DPP6: variants seen among roughly 807,000 people sequenced by gnomAD.
DPP6 encodes the protein A-type potassium channel modulatory protein DPP6.
A neutral mutation model predicts 122.6 loss-of-function variants in DPP6; 69 were observed. The observed-to-expected ratio is 0.56, with a 90% CI of 0.46 to 0.69. The LOEUF (loss-of-function observed/expected upper bound fraction) is 0.69, where lower values mean the gene tolerates loss of function less well. DPP6 is among the 30% of genes least tolerant of loss of function. The probability of loss-of-function intolerance (pLI) is 0.00; values close to 1 mark genes in which losing one functional copy is unlikely to be tolerated. For synonymous variants in DPP6, 418 were observed against 433.1 expected, an observed-to-expected ratio of 0.97 and a Z score of 0.43; for missense variants, 928 against 1,116.9, an observed-to-expected ratio of 0.83 and a Z score of 2.41.
In DPP6 at chr7:154,809,574, T is replaced by TAAC. The variant is rs771798736; in HGVS notation, c.1666+2462_1666+2463insAAC. On this transcript the variant is annotated intron_variant, in intron 16 of 25. Coordinates refer to ENST00000377770, the MANE Select transcript of DPP6 (RefSeq NM_130797.4). ...CCAGATAAGAAAGCATGGTGTGTGC[T>TAAC]CCACAAGCATCCGGGTTAATAAATG... Among the ~76,000 whole-genome samples, 199 of 152,206 alleles carry TAAC rather than the reference T, an allele frequency of 1.3e-3. 1 individual carries two copies. The highest frequency in any genetic ancestry group is 2.5e-3 in the Non-Finnish European group (172 of 68,000).
At chr7:154,429,180 T>TA (rs34365501) in intron 1 of DPP6, among the ~76,000 whole-genome samples, 8,328 of 145,754 alleles carry the variant, frequency 0.057, 401 homozygotes, top group African/African-American at 0.13. Context: ...CTTAATCTGT[T>TA]AAAAAAAAAA....
intron 1 of DPP6, among the ~76,000 whole-genome samples, chr7:154,085,375 AC>A (rs1415288182): frequency 6.6e-6 from 1 of 152,138 alleles, no homozygotes; most frequent in African/African-American, 2.4e-5. Flanking sequence ...ATTGGCCTTT[AC>A]CGTTCACTGT....
intron 1 of DPP6, among the ~76,000 whole-genome samples, chr7:154,334,417 T>C (rs2151045168): frequency 6.6e-6 from 1 of 152,306 alleles, no homozygotes; most frequent in South Asian, 2.1e-4. Context: ...AACAAACACC[T>C]CTTTCCTGAC....
intron 1 of DPP6, among the ~76,000 whole-genome samples, chr7:154,324,869 T>TTTA (rs1808299102): frequency 7.1e-6 from 1 of 140,694 alleles, no homozygotes; most frequent in East Asian, 2.4e-4. Flanking sequence ...CTTTTGTTAT[T>TTTA]TTTTTTTTTT....
At chr7:154,656,090 G>A (rs940036176) in intron 6 of DPP6, among the ~76,000 whole-genome samples, 1 of 151,366 alleles carries the variant, frequency 6.6e-6, no homozygotes, top group Non-Finnish European at 1.5e-5. Flanking sequence ...GGAGAGGAGC[G>A]GGGCTGCGGT....
At chr7:153,762,401 C>A in the DPP6 span, among the ~76,000 whole-genome samples, 1 of 152,154 alleles carries the variant, frequency 6.6e-6, no homozygotes, top group Non-Finnish European at 1.5e-5. Context: ...TTAACCTATT[C>A]ATCAACTGCC....
intron 16 of DPP6, among the ~76,000 whole-genome samples, chr7:154,840,935 G>T (rs1801478134): frequency 6.6e-6 from 1 of 152,162 alleles, no homozygotes; most frequent in Non-Finnish European, 1.5e-5. Flanking sequence ...GTCAATTGGC[G>T]ACTTGCTGTT....
chr7:153,908,028 A>ATTT (rs1799921639), intron 1 of DPP6, among the ~76,000 whole-genome samples: 1 of 119,518 alleles, frequency 8.4e-6, no homozygotes, highest in Non-Finnish European at 1.8e-5. Context: ...AGAGGCTGGA[A>ATTT]GTTTTTTTTT....
intron 7 of DPP6, among the ~76,000 whole-genome samples, chr7:154,711,509 T>G (rs181694164): frequency 6.6e-6 from 1 of 152,250 alleles, no homozygotes; most frequent in Non-Finnish European, 1.5e-5. Context: ...AAGTGAAAAA[T>G]GAAAGAAATC....
rs144100618 is a variant in DPP6, at chr7:154,769,548, G to A, written c.1015G>A (p.Val339Met). Reference sequence around the variant, plus strand: ...TTACACCGGCTCCATCTACCCCACCGTGAAGCCCTACCACTATCCCAAGGT... The same window carrying A: ...TTACACCGGCTCCATCTACCCCACCATGAAGCCCTACCACTATCCCAAGGT... ...PTYTGSIYPT[V>M]KPYHYPKAGS... is the part of the protein sequence containing the mutation. Residue 339 changes from valine (V) to methionine (M), a missense_variant, in exon 9 of 26, where the codon GTG (valine) becomes ATG (methionine). By Grantham distance (21) the Val-to-Met change is conservative (BLOSUM62 1). Transcript: ENST00000377770. 22 of 1,609,870 alleles carry A rather than the reference G, an allele frequency of 1.4e-5. No homozygotes were observed. Among genetic ancestry groups the A allele is most frequent in the South Asian group, 5.5e-5 (5 of 90,770 alleles).
chr7:153,838,831 G>A, the DPP6 span, among the ~76,000 whole-genome samples: 1 of 152,110 alleles, frequency 6.6e-6, no homozygotes, highest in African/African-American at 2.4e-5. Flanking sequence ...TAAAATAAAG[G>A]AACATTATTG....
chr7:154,398,950 A>G (rs1815335325), intron 1 of DPP6, among the ~76,000 whole-genome samples: 1 of 152,188 alleles, frequency 6.6e-6, no homozygotes, highest in South Asian at 2.1e-4. Context: ...TCTCCAGGGT[A>G]AAATATTTCT....
intron 1 of DPP6, among the ~76,000 whole-genome samples, chr7:154,200,393 T>C (rs1023337121): frequency 1.3e-5 from 2 of 152,182 alleles, no homozygotes; most frequent in Non-Finnish European, 2.9e-5. Context: ...TAGATGAGTG[T>C]ATGCTGCAGC....
At chr7:153,765,431 A>G in the DPP6 span, among the ~76,000 whole-genome samples, 5 of 152,062 alleles carry the variant, frequency 3.3e-5, no homozygotes, top group South Asian at 2.1e-4. Context: ...AATCCCTGCT[A>G]CTTGGAAGGC....
chr7:154,260,869 C>G (rs1289392160), intron 1 of DPP6, among the ~76,000 whole-genome samples: 1 of 151,380 alleles, frequency 6.6e-6, no homozygotes, highest in Non-Finnish European at 1.5e-5. Flanking sequence ...ATTGCTAGAT[C>G]AAATGGTAGT....
intron 1 of DPP6, among the ~76,000 whole-genome samples, chr7:154,319,294 T>A (rs930976774): frequency 7.2e-5 from 11 of 152,370 alleles, no homozygotes; most frequent in Middle Eastern, 3.4e-3. Context: ...GATTTTTATT[T>A]TTAAAGACAA....
intron 1 of DPP6, among the ~76,000 whole-genome samples, chr7:154,375,686 C>A (rs756978810): frequency 1.4e-4 from 21 of 152,108 alleles, no homozygotes; most frequent in Non-Finnish European, 2.8e-4. Context: ...ACAGAAGCTG[C>A]CGGCACCCTG....
chr7:154,182,270 T>C (rs1257164683), intron 1 of DPP6, among the ~76,000 whole-genome samples: 1 of 152,178 alleles, frequency 6.6e-6, no homozygotes, highest in Non-Finnish European at 1.5e-5. Flanking sequence ...CTACAAATTG[T>C]AACCACCAGG....
At chr7:154,889,402 C>T (rs1273435376) in intron 24 of DPP6, 55 bp from the exon 25 acceptor site, 1 of 1,604,650 alleles carries the variant, frequency 6.2e-7, no homozygotes, top group East Asian at 2.2e-5. Context: ...TCCTTGATGG[C>T]ACCATGGGTT....
Sources: allele counts gnomAD v4.1 joint callset (sites outside exome capture counted in the v4.1 genomes callset), GRCh38; gene constraint gnomAD v4.1.1; transcripts MANE v1.5; gene names NCBI Gene and HGNC (gene_info 2026-07-23, HGNC 2026-07-21).